The following FHDC1 variants were observed in gnomAD, a reference collection of about 807,000 sequenced individuals.
The protein encoded by FHDC1 is FH2 domain-containing protein 1.
A neutral mutation model predicts 52.6 loss-of-function variants in FHDC1; 25 were observed. That is an observed-to-expected ratio of 0.48 (90% CI 0.35 to 0.66). The LOEUF is 0.66. FHDC1 is among the 30% of genes least tolerant of loss of function. The pLI, the probability that FHDC1 is intolerant of heterozygous loss-of-function variation, is 0.01. For missense variants in FHDC1, 1,459 were observed against 1,452.8 expected (o/e 1.00, Z -0.07); for synonymous variants, 616 against 581.5 (o/e 1.06, Z -0.85).
chr4:152,939,235 G>A (rs1366929260), intron 1 of FHDC1, among the ~76,000 whole-genome samples: 1 of 151,938 alleles, frequency 6.6e-6, no homozygotes, highest in African/African-American at 2.4e-5. Context: ...GCGCCACCAC[G>A]CCCAGCTACT....
At chr4:152,931,896 C>CACTGT (rs201981290), upstream of FHDC1, among the ~76,000 whole-genome samples, 754 of 141,936 alleles carry the variant, frequency 5.3e-3, 23 homozygotes, top group East Asian at 0.014. Context: ...GTAACTACGC[C>CACTGT]ACTGTACTCC....
At position 152,975,150 on chromosome 4, in the gene FHDC1, A is replaced by G; in HGVS notation, c.1859A>G (p.His620Arg). ...CCCAACCCACCCTCAGCACAGGCGCACCAGCTTGCAGCCGCCCAGCCTGAG... is the reference window on the plus strand; with the variant it reads ...CCCAACCCACCCTCAGCACAGGCGCGCCAGCTTGCAGCCGCCCAGCCTGAG... ...EAPNPPSAQA[H>R]QLAAAQPENH... The change falls in exon 12 of 12, where the codon CAC (histidine) becomes CGC (arginine). Residue 620 changes from histidine to arginine, a missense_variant. His to Arg is a conservative substitution (Grantham distance 29, BLOSUM62 0). Coordinates refer to ENST00000511601, the MANE Select transcript of FHDC1 (RefSeq NM_001371116.1). The G allele has an allele frequency of 1.9e-6, 3 of 1,612,950 alleles. No individual in the cohort carries two copies. The highest frequency in any genetic ancestry group is 2.7e-5 in the African/African-American group (2 of 75,018).
intron 10 of FHDC1, among the ~76,000 whole-genome samples, chr4:152,970,762 G>A (rs920704338): frequency 3.3e-5 from 5 of 152,152 alleles, no homozygotes; most frequent in Non-Finnish European, 7.3e-5. Context: ...CATAGTTTTC[G>A]TTTCTTACTA....
chr4:152,956,050 TAAAG>T (rs1307569617), intron 4 of FHDC1, among the ~76,000 whole-genome samples: 1 of 152,228 alleles, frequency 6.6e-6, no homozygotes, highest in Non-Finnish European at 1.5e-5. Context: ...CTTGAAGTCT[TAAAG>T]GAAGGGCACA....
the FHDC1 span, chr4:152,912,303 G>C: frequency 6.6e-6 from 1 of 152,134 alleles, no homozygotes; most frequent in Non-Finnish European, 1.5e-5. Flanking sequence ...AAAATTTCAA[G>C]TAATAGAAGA....
the FHDC1 span, among the ~76,000 whole-genome samples, chr4:152,930,962 A>ACACACACAC: frequency 9.5e-6 from 1 of 104,748 alleles, no homozygotes; most frequent in Non-Finnish European, 2.0e-5. Context: ...TCCCCAGGGA[A>ACACACACAC]ACACACACAC....
chr4:152,958,892 G>A (rs1355460640), intron 4 of FHDC1, among the ~76,000 whole-genome samples: 1 of 152,080 alleles, frequency 6.6e-6, no homozygotes, highest in African/African-American at 2.4e-5. Flanking sequence ...TTATATAAAT[G>A]GCTATTTTCT....
chr4:152,958,034 CTCTT>C (rs1168487583), intron 4 of FHDC1, among the ~76,000 whole-genome samples: 1 of 152,184 alleles, frequency 6.6e-6, no homozygotes, highest in Non-Finnish European at 1.5e-5. Flanking sequence ...TTTGTAGTAT[CTCTT>C]TCCCACCTTC....
At position 152,974,700 on chromosome 4, in the gene FHDC1, AGCTGAGGCAGCT is replaced by A. The variant is rs1341469210; in HGVS notation, c.1412_1423del (p.Leu471_Leu474del). On this transcript the variant is annotated inframe_deletion, in exon 12 of 12. Coordinates refer to ENST00000511601, the MANE Select transcript of FHDC1 (RefSeq NM_001371116.1). ...GACAACCACGACCGGGAGGCGCAGG[AGCTGAGGCAGCT>A]GCAGAGGCTGAAGGAGCAGGAGCAG... 1.3e-6 allele frequency: 2 copies of A among 1,511,720 alleles called. No individual in the cohort carries two copies. 93.6% of individuals were successfully genotyped at this position (1,511,720 alleles called of 1,614,324 possible).
chr4:152,947,329 A>G (rs1739766000), intron 2 of FHDC1, among the ~76,000 whole-genome samples: 1 of 152,240 alleles, frequency 6.6e-6, no homozygotes, highest in Non-Finnish European at 1.5e-5. Flanking sequence ...ATATGATGGT[A>G]TAATAATAAT....
chr4:152,952,659 T>C (rs1432200549), intron 2 of FHDC1, among the ~76,000 whole-genome samples: 1 of 152,216 alleles, frequency 6.6e-6, no homozygotes, highest in African/African-American at 2.4e-5. Context: ...TGTGCATAGA[T>C]TATATGCAAA....
At chr4:152,962,662 G>C in intron 6 of FHDC1, 152 bp from the exon 7 acceptor site, 1 of 622,036 alleles carries the variant, frequency 1.6e-6, no homozygotes, top group Non-Finnish European at 2.9e-6. Context: ...GTATCCCATA[G>C]AATGTATTGC....
At chr4:152,915,995 T>G in the FHDC1 span, among the ~76,000 whole-genome samples, 7 of 152,248 alleles carry the variant, frequency 4.6e-5, no homozygotes, top group Non-Finnish European at 7.4e-5. Flanking sequence ...TAATCAAGTA[T>G]TTTACCTTAA....
chr4:152,974,926 C>G lies in FHDC1; in HGVS notation c.1635C>G (p.Pro545=), dbSNP rs536628328. The G allele has an allele frequency of 5.6e-6, 9 of 1,612,334 alleles. No individual in the cohort carries two copies. In the East Asian group the frequency reaches 1.8e-4, roughly 32 times the overall value. Residue 545 remains proline, a synonymous_variant, in exon 12 of 12, where the codon CCC becomes CCG. Coordinates refer to ENST00000511601, the MANE Select transcript of FHDC1 (RefSeq NM_001371116.1). Reference sequence around the variant, plus strand: ...GCCGCTCCCGCCTCTCCCTGGGTCCCTCTGCTGACCGGGAGCTGCTGACCT... The same window carrying G: ...GCCGCTCCCGCCTCTCCCTGGGTCCGTCTGCTGACCGGGAGCTGCTGACCT... ...NTRRSRLSLG[P]SADRELLTFL...
chr4:152,929,724 G>A, the FHDC1 span, among the ~76,000 whole-genome samples: 1 of 152,074 alleles, frequency 6.6e-6, no homozygotes, highest in African/African-American at 2.4e-5. This position sits in a 1 kb window ranked among gnomAD's most constrained non-coding sequence, Gnocchi z 4.1. Flanking sequence ...ACCTGATTAT[G>A]CTCTGCAGGC....
intron 9 of FHDC1, among the ~76,000 whole-genome samples, chr4:152,965,853 A>G (rs576992009): frequency 1.1e-4 from 16 of 152,332 alleles, no homozygotes; most frequent in Admixed American, 3.3e-4. Flanking sequence ...TCCAACTATG[A>G]CATCTGTGAA....
chr4:152,963,142 T>C lies in FHDC1; in HGVS notation c.1029+12T>C. 1.2e-6 allele frequency: 2 copies of C among 1,610,696 alleles called. No individual in the cohort carries two copies. Among genetic ancestry groups the C allele is most frequent in the Non-Finnish European group, 1.7e-6 (2 of 1,177,528 alleles). ...ACTTTGTTGCACAGGTATGTGGAAATGATTAGGACTTAGAGAACGCATATG... is the reference window on the plus strand; with the variant it reads ...ACTTTGTTGCACAGGTATGTGGAAACGATTAGGACTTAGAGAACGCATATG... On this transcript the variant is annotated intron_variant, in intron 8 of 11. Coordinates refer to ENST00000511601, the MANE Select transcript of FHDC1 (RefSeq NM_001371116.1).
intron 11 of FHDC1, among the ~76,000 whole-genome samples, 184 bp from the exon 12 acceptor site, chr4:152,974,485 TACACAC>T (rs148342777): frequency 1.3e-5 from 2 of 151,734 alleles, no homozygotes; most frequent in African/African-American, 4.8e-5. Flanking sequence ...ACCCTCCCTC[TACACAC>T]ACACACATGC....
upstream of FHDC1, among the ~76,000 whole-genome samples, chr4:152,931,895 C>T (rs1311296884): frequency 6.9e-6 from 1 of 144,360 alleles, no homozygotes; most frequent in Non-Finnish European, 1.5e-5. Flanking sequence ...AGTAACTACG[C>T]CACTGTACTC....
Sources: allele counts gnomAD v4.1 joint callset (sites outside exome capture counted in the v4.1 genomes callset), GRCh38; gene constraint gnomAD v4.1.1; non-coding constraint Gnocchi (gnomAD v3.1); transcripts MANE v1.5; gene names NCBI Gene and HGNC (gene_info 2026-07-23, HGNC 2026-07-21).